The following DCAF6 variants were observed in gnomAD, a reference collection of about 807,000 sequenced individuals.
The protein encoded by DCAF6 is DDB1 and CUL4 associated factor 6, also known as DDB1- and CUL4-associated factor 6.
In DCAF6, 54 loss-of-function variants were observed where a neutral mutation model predicts 125.1. The observed-to-expected ratio is 0.43, with a 90% CI of 0.35 to 0.54. DCAF6 has a LOEUF of 0.54. Among genes scored for constraint, DCAF6 ranks in the 20% least tolerant of loss-of-function variants. DCAF6 has a pLI of 0.01. For missense variants in DCAF6, 934 were observed against 1,161.7 expected, an observed-to-expected ratio of 0.80 and a Z score of 2.85; for synonymous variants, 371 against 390.4, an observed-to-expected ratio of 0.95 and a Z score of 0.58.
At chr1:167,974,235 A>G (rs1394331817) in intron 3 of DCAF6, among the ~76,000 whole-genome samples, 1 of 152,074 alleles carries the variant, frequency 6.6e-6, no homozygotes, top group Non-Finnish European at 1.5e-5. Flanking sequence ...AGGTCTTGTC[A>G]GTTATTTTTC....
intron 2 of DCAF6, among the ~76,000 whole-genome samples, chr1:167,961,318 A>C (rs933073249): frequency 3.3e-5 from 5 of 151,954 alleles, no homozygotes; most frequent in East Asian, 3.9e-4. Flanking sequence ...TCTCGGCTCA[A>C]TGCAAGCTCC....
intron 1 of DCAF6, among the ~76,000 whole-genome samples, chr1:167,944,094 G>C (rs1051916197): frequency 6.6e-6 from 1 of 152,064 alleles, no homozygotes; most frequent in Non-Finnish European, 1.5e-5. Context: ...TGCCCGCCTC[G>C]GCCTCCCAAA....
At chr1:167,904,806 G>A in the DCAF6 span, 5 of 718,004 alleles carry the variant, frequency 7.0e-6, no homozygotes, top group African/African-American at 7.0e-5. Flanking sequence ...TCCTGAGTAA[G>A]GGAGGATGAG....
In DCAF6 at chr1:168,075,466, C is replaced by T; in HGVS notation, c.*31C>T. 6 of 1,543,582 alleles carry T rather than the reference C, an allele frequency of 3.9e-6. No individual in the cohort carries two copies. Among genetic ancestry groups the T allele is most frequent in the Non-Finnish European group, 5.2e-6 (6 of 1,143,458 alleles). On this transcript the variant is annotated 3_prime_UTR_variant, in exon 22 of 22. Transcript: ENST00000367840. ...TCTTTTTGGCAAGCACTTAAATGTT[C>T]TGAAATTTGTATAAGACATTTATTA...
chr1:167,915,805 A>C, the DCAF6 span, among the ~76,000 whole-genome samples: 1 of 152,174 alleles, frequency 6.6e-6, no homozygotes. Flanking sequence ...GCACTGTGTT[A>C]AAACCTTATC....
intron 2 of DCAF6, among the ~76,000 whole-genome samples, chr1:167,964,411 A>G (rs149398295): frequency 3.3e-5 from 5 of 152,280 alleles, no homozygotes; most frequent in East Asian, 3.9e-4. Flanking sequence ...GAGATGTTGG[A>G]TGTAATTCTT....
intron 1 of DCAF6, among the ~76,000 whole-genome samples, chr1:167,937,791 GT>G (rs1323539706): frequency 6.6e-6 from 1 of 151,960 alleles, no homozygotes; most frequent in Non-Finnish European, 1.5e-5. Flanking sequence ...CAACTAAAAA[GT>G]TTGGTTTCTT....
chr1:167,898,442 T>C, the DCAF6 span, among the ~76,000 whole-genome samples: 2 of 151,622 alleles, frequency 1.3e-5, no homozygotes, highest in Non-Finnish European at 2.9e-5. Flanking sequence ...CTACTAAAAA[T>C]ACAAAAAATT....
chr1:168,031,796 G>C (rs1261956757), intron 12 of DCAF6, among the ~76,000 whole-genome samples: 2 of 152,110 alleles, frequency 1.3e-5, no homozygotes, highest in Non-Finnish European at 2.9e-5. Context: ...GCCACATGGC[G>C]TGGGCGTATT....
Position 168,065,583 on chromosome 1 carries a change from C to T in DCAF6, c.2440-7C>T, listed in dbSNP as rs1010687548. ...TGAATTTTTAAATAATTTTTTTTAA[C>T]CCTTAGATAAAAGAAGCCAATTTCT... On this transcript the variant is annotated splice_region_variant and splice_polypyrimidine_tract_variant and intron_variant, in intron 18 of 21. Transcript: ENST00000367840. 1 of 1,553,626 alleles carries T rather than the reference C, an allele frequency of 6.4e-7. No homozygotes were observed. The highest frequency in any genetic ancestry group is 8.7e-7 in the Non-Finnish European group (1 of 1,145,706).
At chr1:167,866,325 A>T in the DCAF6 span, among the ~76,000 whole-genome samples, 10 of 152,202 alleles carry the variant, frequency 6.6e-5, no homozygotes, top group African/African-American at 2.4e-4. Flanking sequence ...CCCACGAGGA[A>T]TACCAGATCA....
the DCAF6 span, among the ~76,000 whole-genome samples, chr1:167,930,384 T>C: frequency 1.3e-5 from 2 of 152,202 alleles, no homozygotes; most frequent in African/African-American, 4.8e-5. Context: ...AATCATCTAC[T>C]GTAGGCACTC....
At chr1:168,006,585 T>C (rs1474263659) in intron 10 of DCAF6, among the ~76,000 whole-genome samples, 1 of 152,180 alleles carries the variant, frequency 6.6e-6, no homozygotes, top group African/African-American at 2.4e-5. Flanking sequence ...TGTTTCTGTT[T>C]TTGTTTTTTG....
At chr1:167,876,494 C>T in the DCAF6 span, among the ~76,000 whole-genome samples, 5 of 152,108 alleles carry the variant, frequency 3.3e-5, no homozygotes, top group Admixed American at 1.3e-4. Context: ...TTTGTTATGC[C>T]TCTCTTATAG....
chr1:168,017,122 C>CT (rs1685078357), intron 11 of DCAF6, among the ~76,000 whole-genome samples: 1 of 150,768 alleles, frequency 6.6e-6, no homozygotes, highest in Non-Finnish European at 1.5e-5. Flanking sequence ...GCAGAGGCCT[C>CT]TGATTTTTTT....
chr1:168,033,182 C>A (rs1687328903), intron 12 of DCAF6, among the ~76,000 whole-genome samples: 1 of 152,152 alleles, frequency 6.6e-6, no homozygotes, highest in South Asian at 2.1e-4. Context: ...TGAAAGATAC[C>A]TAATTAAATA....
At chr1:167,874,826 T>G in the DCAF6 span, among the ~76,000 whole-genome samples, 1 of 152,208 alleles carries the variant, frequency 6.6e-6, no homozygotes, top group Non-Finnish European at 1.5e-5. Flanking sequence ...ATGGATGAAT[T>G]ATATAACATA....
At chr1:167,904,631 A>T in the DCAF6 span, 1 of 536,176 alleles carries the variant, frequency 1.9e-6, no homozygotes, top group South Asian at 2.9e-5. Context: ...CAAGTTTATT[A>T]GTAAGATGTA....
chr1:167,879,897 C>T, the DCAF6 span, among the ~76,000 whole-genome samples: 1 of 152,192 alleles, frequency 6.6e-6, no homozygotes, highest in Non-Finnish European at 1.5e-5. Flanking sequence ...CCCACTGCTC[C>T]CCTCTCATGA....
Sources: allele counts gnomAD v4.1 joint callset (sites outside exome capture counted in the v4.1 genomes callset), GRCh38; gene constraint gnomAD v4.1.1; transcripts MANE v1.5; gene names NCBI Gene and HGNC (gene_info 2026-07-23, HGNC 2026-07-21).